The following COL4A4 variants were observed in gnomAD, a reference collection of about 807,000 sequenced individuals.
The protein encoded by COL4A4 is collagen alpha-4(IV) chain.
In COL4A4, 105 loss-of-function variants were observed where a neutral mutation model predicts 192.9. The observed-to-expected ratio is 0.54, with a 90% CI of 0.46 to 0.64. COL4A4 has a LOEUF of 0.64. Ranked by LOEUF, COL4A4 falls within the 30% of genes least tolerant of loss-of-function variation. COL4A4 has a pLI of 0.00. For synonymous variants in COL4A4, 762 were observed against 769.9 expected, an observed-to-expected ratio of 0.99 and a Z score of 0.17; for missense variants, 1,967 against 2,169.3, an observed-to-expected ratio of 0.91 and a Z score of 1.85.
rs944102792 is a variant in COL4A4, at chr2:227,080,615, C to CA, written c.1697-67dup. The CA allele has an allele frequency of 1.3e-5, 18 of 1,389,484 alleles. 1 individual carries two copies. In the Admixed American group the frequency reaches 2.7e-4, roughly 21 times the overall value. The allele number at this position is 1,389,484 out of a possible 1,614,324, so 86.1% of individuals were successfully genotyped here. On this transcript the variant is annotated intron_variant, in intron 23 of 47. Coordinates refer to ENST00000396625, the MANE Select transcript of COL4A4 (RefSeq NM_000092.5). ...AGAGGGTAAAGTAGGATAGAGAGGA[C>CA]AAAAAATAAAGAAAATGACCTTGAT...
In COL4A4 at chr2:227,007,571, G is replaced by A. The variant is rs2149715482; in HGVS notation, c.4827C>T (p.Asp1609=). 1.2e-6 allele frequency: 2 copies of A among 1,612,580 alleles called. No individual in the cohort carries two copies. The highest frequency in any genetic ancestry group is 1.7e-6 in the Non-Finnish European group (2 of 1,180,020). The change falls in exon 48 of 48, where the codon GAC becomes GAT. Residue 1609 remains aspartate, a synonymous_variant. Transcript: ENST00000396625. ...YSFLMHTGAG[D]QGGGQALMSP... The stretch of plus-strand genomic sequence containing the variant: ...ACATAAGGGCCTGCCCTCCTCCTTG[G>A]TCCCCAGCTCCTGTGTGCTACCCAG...
chr2:227,028,117 G>T, intron 41 of COL4A4, 108 bp from the exon 42 acceptor site: 1 of 812,168 alleles, frequency 1.2e-6, no homozygotes, highest in Non-Finnish European at 2.0e-6. Context: ...AAAATGCAGG[G>T]CATAGCTAGC....
chr2:227,048,702 T>C (rs1447889640), intron 34 of COL4A4, among the ~76,000 whole-genome samples: 1 of 152,188 alleles, frequency 6.6e-6, no homozygotes, highest in East Asian at 1.9e-4. Context: ...TTCAATTCCT[T>C]TTAAGCATGG....
chr2:226,985,172 A>G, the COL4A4 span, among the ~76,000 whole-genome samples: 6 of 152,208 alleles, frequency 3.9e-5, no homozygotes, highest in Non-Finnish European at 8.8e-5. Flanking sequence ...AGCACTCACT[A>G]ACACGAGGCA....
chr2:227,048,425 G>A (rs2150157400), intron 34 of COL4A4, among the ~76,000 whole-genome samples: 1 of 152,254 alleles, frequency 6.6e-6, no homozygotes, highest in East Asian at 1.9e-4. Context: ...TTGGCTACTG[G>A]GGCAGAAACC....
chr2:226,969,248 T>C, the COL4A4 span: 3 of 152,076 alleles, frequency 2.0e-5, no homozygotes, highest in African/African-American at 7.2e-5. Flanking sequence ...TGTCTAAAAT[T>C]TGTGTTTTTA....
intron 44 of COL4A4, among the ~76,000 whole-genome samples, chr2:227,020,656 C>G (rs1965821775): frequency 6.6e-6 from 1 of 151,850 alleles, no homozygotes; most frequent in Non-Finnish European, 1.5e-5. Context: ...AAGTCCAAAT[C>G]ATAGTGGGGC....
At position 227,077,890 on chromosome 2, in the gene COL4A4, T is replaced by C. The variant is rs1559562567; in HGVS notation, c.1987+4A>G. The C allele has an allele frequency of 6.2e-7, 1 of 1,611,478 alleles. No individual in the cohort carries two copies. ...TGAAATAAATAAAATTTTTTTAAAA[T>C]TACCTTTCTGACCCTTCAAGCCATC... On this transcript the variant is annotated splice_donor_region_variant and intron_variant, in intron 25 of 47. Coordinates refer to ENST00000396625, the MANE Select transcript of COL4A4 (RefSeq NM_000092.5).
At chr2:227,149,425 C>T (rs758413203) in intron 1 of COL4A4, among the ~76,000 whole-genome samples, 5 of 152,116 alleles carry the variant, frequency 3.3e-5, no homozygotes, top group Non-Finnish European at 7.4e-5. Flanking sequence ...AAAGCCCCTT[C>T]CTCATCTCTC....
chr2:226,985,896 G>C, the COL4A4 span, among the ~76,000 whole-genome samples: 3 of 152,362 alleles, frequency 2.0e-5, no homozygotes, highest in African/African-American at 7.2e-5. Context: ...ACTCTTAGTG[G>C]CAAAGGCCAA....
At chr2:227,077,560 C>A (rs941841671) in intron 25 of COL4A4, among the ~76,000 whole-genome samples, 2 of 151,948 alleles carry the variant, frequency 1.3e-5, no homozygotes, top group African/African-American at 4.8e-5. Context: ...GGCTTAAAAC[C>A]TAGATGATGG....
At chr2:227,138,215 G>C (rs990953482) in intron 4 of COL4A4, among the ~76,000 whole-genome samples, 1 of 152,110 alleles carries the variant, frequency 6.6e-6, no homozygotes, top group Admixed American at 6.5e-5. Flanking sequence ...CCACTTGGGA[G>C]GTGGAGGTGG....
intron 4 of COL4A4, among the ~76,000 whole-genome samples, chr2:227,139,602 C>G (rs1208978458): frequency 6.6e-6 from 1 of 152,168 alleles, no homozygotes; most frequent in Non-Finnish European, 1.5e-5. Context: ...GCTTCAGTCT[C>G]CTGCACTGCA....
intron 19 of COL4A4, 50 bp from the exon 20 acceptor site, chr2:227,094,339 T>A (rs188271785): frequency 2.6e-4 from 415 of 1,573,328 alleles, no homozygotes; most frequent in Non-Finnish European, 3.3e-4. Flanking sequence ...AGAGTAAACG[T>A]CTCTGTAGAA....
At position 227,004,559 on chromosome 2, in the gene COL4A4, A is replaced by C. The variant is rs1961675922; in HGVS notation, c.*2766T>G. On this transcript the variant is annotated 3_prime_UTR_variant, in exon 48 of 48. Coordinates refer to ENST00000396625, the MANE Select transcript of COL4A4 (RefSeq NM_000092.5). ...AGATGGCAACTGGGATTTGAAACTAAGGCACCAACTGGGAGATGCCTACTG... is the reference window on the plus strand; with the variant it reads ...AGATGGCAACTGGGATTTGAAACTACGGCACCAACTGGGAGATGCCTACTG... 1 of 152,304 alleles carries C rather than the reference A, an allele frequency of 6.6e-6. No homozygotes were observed. Among genetic ancestry groups the C allele is most frequent in the African/African-American group, 2.4e-5 (1 of 41,458 alleles). The allele number at this position is 152,304 out of a possible 1,614,324, so 9.4% of individuals were successfully genotyped here. A position where few individuals can be genotyped will look rare whatever the true frequency, so the allele number is the denominator to read the frequency against.
chr2:227,017,149 T>TG (rs1965058586), intron 44 of COL4A4, among the ~76,000 whole-genome samples: 2 of 152,218 alleles, frequency 1.3e-5, no homozygotes, highest in Admixed American at 6.5e-5. Context: ...TCCCTTCCAC[T>TG]GAACAGGCAG....
chr2:227,054,091 C>A lies in COL4A4; in HGVS notation c.2860+503G>T, dbSNP rs921392867. ...TATATGAAATTCAAACCTTAGTATC[C>A]ATAAATACCATCTTACTGAAAATTG... On this transcript the variant is annotated intron_variant, in intron 31 of 47. Transcript: ENST00000396625. Among the ~76,000 whole-genome samples, 3 of 152,134 alleles carry A rather than the reference C, an allele frequency of 2.0e-5. No homozygotes were observed. The East Asian group carries it at 5.8e-4, about 29-fold the overall frequency.
chr2:227,081,067 C>T (rs1314889972), intron 23 of COL4A4, among the ~76,000 whole-genome samples: 2 of 152,126 alleles, frequency 1.3e-5, no homozygotes, highest in Non-Finnish European at 2.9e-5. Context: ...CCTCTTGATG[C>T]CACTGGAGGC....
At chr2:227,066,536 G>T (rs2058352831) in intron 25 of COL4A4, among the ~76,000 whole-genome samples, 2 of 152,272 alleles carry the variant, frequency 1.3e-5, no homozygotes, top group African/African-American at 4.8e-5. Flanking sequence ...AACTCTACAA[G>T]CCAGAAGAGA....
Sources: gnomAD v4.1 joint callset for allele counts (sites outside exome capture counted in the v4.1 genomes callset) on GRCh38, gnomAD v4.1.1 for gene constraint, MANE v1.5 for transcripts, NCBI Gene and HGNC (gene_info 2026-07-23, HGNC 2026-07-21) for gene names.